FAM184A: variants seen among roughly 807,000 people sequenced by gnomAD.
FAM184A encodes the protein family with sequence similarity 184 member A, also known as protein FAM184A.
FAM184A carries 99 observed loss-of-function variants against 143.8 expected under a neutral mutation model. The observed-to-expected ratio is 0.69, with a 90% confidence interval of 0.58 to 0.81. The LOEUF (loss-of-function observed/expected upper bound fraction) is 0.81. Among genes scored for constraint, FAM184A ranks in the 40% least tolerant of loss-of-function variants. FAM184A has a pLI of 0.00. For missense variants in FAM184A, 1,217 were observed against 1,310.5 expected (o/e 0.93, Z 1.10); for synonymous variants, 427 against 446.4 (o/e 0.96, Z 0.55).
upstream of FAM184A, chr6:119,078,694 C>T (rs372618902): frequency 3.4e-4 from 54 of 158,890 alleles, no homozygotes; most frequent in East Asian, 7.0e-3. The surrounding 1 kb of genome is among the most constrained non-coding windows in gnomAD (Gnocchi z 5.5). Context: ...GGGCGGGCTG[C>T]GGCGGGGATA....
intron 1 of FAM184A, among the ~76,000 whole-genome samples, chr6:119,085,819 G>A (rs964853629): frequency 6.6e-6 from 1 of 152,198 alleles, no homozygotes; most frequent in African/African-American, 2.4e-5. Context: ...TTGCAATCAT[G>A]GAGGAGGGTG....
intron 7 of FAM184A, among the ~76,000 whole-genome samples, 196 bp from the exon 8 acceptor site, chr6:119,003,818 G>A (rs1055079869): frequency 6.6e-6 from 1 of 152,020 alleles, no homozygotes; most frequent in Non-Finnish European, 1.5e-5. Flanking sequence ...TATTTTACAT[G>A]TTCTTGTCTA....
chr6:118,980,056 G>T, intron 10 of FAM184A, 82 bp downstream of exon 10: 1 of 1,240,392 alleles, frequency 8.1e-7, no homozygotes, highest in Non-Finnish European at 1.1e-6. Flanking sequence ...TCAAAAAATA[G>T]AAAAAAAAAT....
At chr6:119,067,113 G>C (rs981546055) in intron 1 of FAM184A, among the ~76,000 whole-genome samples, 26 of 152,168 alleles carry the variant, frequency 1.7e-4, no homozygotes, top group Non-Finnish European at 8.8e-5. Flanking sequence ...CAATGTGATA[G>C]ATTCAAGTTT....
At chr6:119,071,860 C>CTTTTTTTTTTTTTTTTT (rs35786966) in intron 1 of FAM184A, among the ~76,000 whole-genome samples, 1 of 94,164 alleles carries the variant, frequency 1.1e-5, no homozygotes. Context: ...AACCTTTAAT[C>CTTTTTTTTTTTTTTTTT]TTTTTTTTTT....
At chr6:119,096,294 G>A (rs79184901) in intron 1 of FAM184A, among the ~76,000 whole-genome samples, 3,783 of 152,264 alleles carry the variant, frequency 0.025, 86 homozygotes, top group African/African-American at 0.056. Flanking sequence ...ATTTTGTAAC[G>A]TGGTACTGCT....
chr6:119,011,002 T>C (rs1785070749), intron 6 of FAM184A, among the ~76,000 whole-genome samples: 1 of 152,154 alleles, frequency 6.6e-6, no homozygotes, highest in East Asian at 1.9e-4. Flanking sequence ...AGAGGCAGTA[T>C]AGAGAATAAT....
intron 1 of FAM184A, among the ~76,000 whole-genome samples, chr6:119,067,991 C>A (rs1346397339): frequency 7.1e-6 from 1 of 140,238 alleles, no homozygotes; most frequent in Non-Finnish European, 1.5e-5. Context: ...AATAAATAAA[C>A]AAACAAACAA....
Position 119,003,008 on chromosome 6 carries a change from T to G in FAM184A, c.1979A>C (p.His660Pro). The change falls in exon 9 of 18, where the codon CAT (histidine) becomes CCT (proline). Residue 660 changes from histidine (H) to proline (P), a missense_variant. Coordinates refer to ENST00000338891, the MANE Select transcript of FAM184A (RefSeq NM_024581.6). ...CATTGCTGACTTCTTATCCTCTTCA[T>G]GTTGAAGCCTTAACTCTTCACGAAG... ...SKLREELRLQ[H>P]EEDKKSAMSQ... is the part of the protein sequence containing the mutation. 6.2e-7 allele frequency: 1 copy of G among 1,612,510 alleles called. No individual in the cohort carries two copies. The highest frequency in any genetic ancestry group is 8.5e-7 in the Non-Finnish European group (1 of 1,179,458).
At chr6:118,964,835 G>A (rs1783448079) in intron 15 of FAM184A, 64 bp from the exon 16 acceptor site, 2 of 806,400 alleles carry the variant, frequency 2.5e-6, no homozygotes, top group South Asian at 1.8e-5. Context: ...AAACATAAAT[G>A]TATAAACGCC....
At chr6:119,071,948 G>A (rs1196496258) in intron 1 of FAM184A, among the ~76,000 whole-genome samples, 8 of 130,630 alleles carry the variant, frequency 6.1e-5, no homozygotes, top group South Asian at 2.6e-4. Context: ...TGCAACCTCC[G>A]CCTCCTGGGT....
chr6:118,999,869 C>A (rs746538410), intron 9 of FAM184A, among the ~76,000 whole-genome samples: 11 of 152,200 alleles, frequency 7.2e-5, no homozygotes, highest in Non-Finnish European at 1.0e-4. Context: ...CCAGCACCAA[C>A]ACATCATTAC....
At chr6:119,090,921 C>A (rs1240300669) in intron 1 of FAM184A, among the ~76,000 whole-genome samples, 1 of 152,164 alleles carries the variant, frequency 6.6e-6, no homozygotes, top group Non-Finnish European at 1.5e-5. Context: ...CTAGATGAAT[C>A]CCAGTTAATC....
At chr6:119,068,281 A>T (rs1787541851) in intron 1 of FAM184A, among the ~76,000 whole-genome samples, 1 of 151,896 alleles carries the variant, frequency 6.6e-6, no homozygotes, top group South Asian at 2.1e-4. Flanking sequence ...TCCTGACTTC[A>T]AGTGTGATCC....
chr6:119,018,477 G>A (rs1328181954), intron 4 of FAM184A, among the ~76,000 whole-genome samples: 1 of 152,202 alleles, frequency 6.6e-6, no homozygotes, highest in African/African-American at 2.4e-5. Flanking sequence ...GTGCAGCTAA[G>A]CAGTCTGGAT....
intron 1 of FAM184A, among the ~76,000 whole-genome samples, chr6:119,126,067 C>T (rs117881627): frequency 9.3e-4 from 141 of 152,252 alleles, no homozygotes; most frequent in African/African-American, 3.3e-3. Context: ...AAGGTGTCAG[C>T]GAGGGCTGTG....
At position 119,020,110 on chromosome 6, in the gene FAM184A, A is replaced by G. The variant is rs1347146857; in HGVS notation, c.1200T>C (p.Ile400=). ...QATQMTQEVT[I]KDLESEKSRV... ...TCGATTTTTCTGATTCTAAATCTTT[A>G]ATTGTAACTTCCTGGGTCATTTGAG... The change falls in exon 4 of 18, where the codon ATT becomes ATC. Residue 400 remains isoleucine, a synonymous_variant. Transcript: ENST00000338891. 6.2e-7 allele frequency: 1 copy of G among 1,608,494 alleles called. No homozygotes were observed. The highest frequency in any genetic ancestry group is 1.7e-5 in the Admixed American group (1 of 58,728).
chr6:119,040,388 G>C (rs935447078), intron 1 of FAM184A, among the ~76,000 whole-genome samples: 7 of 152,158 alleles, frequency 4.6e-5, no homozygotes, highest in African/African-American at 1.7e-4. Flanking sequence ...CCACATGCAT[G>C]GCTTTTCCTC....
intron 1 of FAM184A, among the ~76,000 whole-genome samples, chr6:119,056,325 A>G (rs1231374651): frequency 6.6e-6 from 1 of 152,070 alleles, no homozygotes; most frequent in African/African-American, 2.4e-5. Context: ...TGTCTGATGA[A>G]GAAGAAGATT....
Sources: gnomAD v4.1 joint callset for allele counts (sites outside exome capture counted in the v4.1 genomes callset) on GRCh38, gnomAD v4.1.1 for gene constraint, Gnocchi (gnomAD v3.1) non-coding constraint, MANE v1.5 for transcripts, NCBI Gene and HGNC (gene_info 2026-07-23, HGNC 2026-07-21) for gene names.